Variants in ANTXRL observed in about 807,000 individuals in gnomAD.
ANTXRL encodes the protein ANTXR like.
A neutral mutation model predicts 75.4 loss-of-function variants in ANTXRL; 63 were observed. The observed-to-expected ratio is 0.84, with a 90% CI of 0.68 to 1.03. The LOEUF (loss-of-function observed/expected upper bound fraction) is 1.03. Among genes scored for constraint, ANTXRL ranks in the 50% least tolerant of loss-of-function variants. The pLI, the probability that ANTXRL is intolerant of heterozygous loss-of-function variation, is 0.00. For synonymous variants in ANTXRL, 335 were observed against 291.3 expected, an observed-to-expected ratio of 1.15 and a Z score of -1.53; for missense variants, 797 against 789.4, an observed-to-expected ratio of 1.01 and a Z score of -0.12.
intron 14 of ANTXRL, among the ~76,000 whole-genome samples, chr10:46,311,274 C>T (rs1370038475): frequency 6.6e-6 from 1 of 152,082 alleles, no homozygotes; most frequent in Non-Finnish European, 1.5e-5. Context: ...CAGGGCAGGC[C>T]TCTTTCAACA....
At chr10:46,300,472 C>G (rs4999674) in intron 9 of ANTXRL, among the ~76,000 whole-genome samples, 8,773 of 152,058 alleles carry the variant, frequency 0.058, 628 homozygotes, top group African/African-American at 0.17. Context: ...CCATCCTGAG[C>G]CCATCCCCCA....
chr10:46,307,433 G>T lies in ANTXRL; in HGVS notation c.997G>T (p.Gly333Cys), dbSNP rs782532772. The T allele has an allele frequency of 1.6e-5, 24 of 1,536,160 alleles. No individual in the cohort carries two copies. The highest frequency in any genetic ancestry group is 2.0e-5 in the Non-Finnish European group (23 of 1,146,810). The change falls in exon 12 of 17, where the codon GGC becomes TGC. Residue 333 changes from glycine (G) to cysteine (C), a missense_variant. Physicochemically the swap from Gly to Cys is radical, Grantham distance 159 (BLOSUM62 -3). Around this residue, in one of 3 missense-constraint regions of ANTXRL, gnomAD observed 479 missense variants for 422.0 expected, o/e 1.14. Coordinates refer to ENST00000620264, the MANE Select transcript of ANTXRL (RefSeq NM_001278688.3). ...CTCTATTGAAGTCAGCTTGAACAAA[G>T]GCAAAACATTCTTCAAGAGCAATGT... is the stretch of plus-strand genomic sequence containing the variant. The part of the protein sequence containing the change: ...EYSIEVSLNK[G>C]KTFFKSNVSI...
chr10:46,302,035 G>A (rs1266721291), intron 9 of ANTXRL, among the ~76,000 whole-genome samples: 3 of 152,194 alleles, frequency 2.0e-5, no homozygotes, highest in African/African-American at 7.2e-5. Context: ...GCCTCAGGAT[G>A]GGTGCCCTGT....
intron 16 of ANTXRL, 113 bp downstream of exon 16, chr10:46,313,429 G>C: frequency 9.3e-7 from 1 of 1,074,690 alleles, no homozygotes; most frequent in Admixed American, 2.0e-5. Context: ...TGCAAAAGAG[G>C]ACGGCACAAG....
At chr10:46,309,286 G>A in intron 13 of ANTXRL, 84 bp downstream of exon 13, 2 of 1,520,996 alleles carry the variant, frequency 1.3e-6, no homozygotes. Flanking sequence ...TGCCCCCCGT[G>A]ATCCCGCCTG....
At chr10:46,317,104 C>A (rs1423873981) in intron 16 of ANTXRL, among the ~76,000 whole-genome samples, 15 of 152,138 alleles carry the variant, frequency 9.9e-5, no homozygotes, top group African/African-American at 3.6e-4. Flanking sequence ...ATTAACTTTT[C>A]TTAAAGGTGT....
intron 16 of ANTXRL, among the ~76,000 whole-genome samples, chr10:46,323,283 A>G (rs577759054): frequency 3.3e-5 from 5 of 152,282 alleles, no homozygotes; most frequent in Admixed American, 3.3e-4. Context: ...CATAGGACCT[A>G]TGAACAAAAA....
Position 46,297,666 on chromosome 10 carries a change from C to A in ANTXRL, c.655-165C>A, listed in dbSNP as rs1317632798. Among the ~76,000 whole-genome samples, 3 of 152,088 alleles carry A rather than the reference C, an allele frequency of 2.0e-5. 1 individual carries two copies. Among genetic ancestry groups the A allele is most frequent in the African/African-American group, 4.8e-5 (2 of 41,388 alleles). On this transcript the variant is annotated intron_variant, in intron 7 of 16. Transcript: ENST00000620264. ...TGCCAAAGGGGAGGGTGGAAGAGCT[C>A]CCCGCTCCCTAAGAGTGGGCTGCTG...
At chr10:46,315,728 G>A (rs1475654504) in intron 16 of ANTXRL, among the ~76,000 whole-genome samples, 1 of 152,190 alleles carries the variant, frequency 6.6e-6, no homozygotes, top group Non-Finnish European at 1.5e-5. Flanking sequence ...ATTTAGAGGA[G>A]CTGCTGCCTT....
intron 16 of ANTXRL, among the ~76,000 whole-genome samples, chr10:46,315,560 C>T (rs1264965977): frequency 6.6e-6 from 1 of 152,174 alleles, no homozygotes; most frequent in Non-Finnish European, 1.5e-5. Flanking sequence ...TTGGGGGATC[C>T]TGACAGAACC....
intron 16 of ANTXRL, among the ~76,000 whole-genome samples, chr10:46,316,111 G>C (rs1483288271): frequency 6.6e-6 from 1 of 152,048 alleles, no homozygotes; most frequent in East Asian, 1.9e-4. Context: ...AATATCACTC[G>C]ATCCATCAGG....
intron 16 of ANTXRL, among the ~76,000 whole-genome samples, chr10:46,323,768 T>A (rs535218101): frequency 6.6e-6 from 1 of 152,200 alleles, no homozygotes; most frequent in East Asian, 1.9e-4. Context: ...TTTAGTGTAG[T>A]TTGGAAGTCC....
chr10:46,294,354 A>G (rs1412319282), intron 3 of ANTXRL, among the ~76,000 whole-genome samples: 16 of 152,016 alleles, frequency 1.1e-4, no homozygotes, highest in African/African-American at 3.9e-4. Flanking sequence ...TAGTGCAGGG[A>G]TGCTGGCAGG....
At chr10:46,329,279 T>C (rs1839372749) in intron 16 of ANTXRL, among the ~76,000 whole-genome samples, 1 of 152,096 alleles carries the variant, frequency 6.6e-6, no homozygotes, top group South Asian at 2.1e-4. Flanking sequence ...TGTGCCATGC[T>C]GGGGCACAGA....
chr10:46,318,967 G>A (rs1554965139), intron 16 of ANTXRL, among the ~76,000 whole-genome samples: 1 of 151,562 alleles, frequency 6.6e-6, no homozygotes. Flanking sequence ...AGTAACAGCT[G>A]AATTGGCAAC....
At chr10:46,296,560 A>G (rs1837389538) in intron 5 of ANTXRL, among the ~76,000 whole-genome samples, 1 of 152,048 alleles carries the variant, frequency 6.6e-6, no homozygotes, top group African/African-American at 2.4e-5. Flanking sequence ...TGCCCCTTGC[A>G]CACACCTTAG....
chr10:46,289,243 G>A (rs1229251414), intron 1 of ANTXRL, among the ~76,000 whole-genome samples: 1 of 152,102 alleles, frequency 6.6e-6, no homozygotes, highest in Non-Finnish European at 1.5e-5. Flanking sequence ...CCTATTCTTG[G>A]CCAGGTGACA....
At chr10:46,316,437 G>A (rs111681050) in intron 16 of ANTXRL, among the ~76,000 whole-genome samples, 1 of 152,116 alleles carries the variant, frequency 6.6e-6, no homozygotes, top group Non-Finnish European at 1.5e-5. Context: ...GGAAGCAATA[G>A]GACCAGCATC....
chr10:46,295,854 C>G (rs1413531876), intron 3 of ANTXRL, among the ~76,000 whole-genome samples, 165 bp from the exon 4 acceptor site: 1 of 152,144 alleles, frequency 6.6e-6, no homozygotes, highest in East Asian at 1.9e-4. Context: ...CTTGAAATCT[C>G]TGGTCAAAAT....
Sources: gnomAD v4.1 joint callset for allele counts (sites outside exome capture counted in the v4.1 genomes callset) on GRCh38, gnomAD v4.1.1 for gene constraint, gnomAD v4.1.1 regional missense constraint, MANE v1.5 for transcripts, NCBI Gene and HGNC (gene_info 2026-07-23, HGNC 2026-07-21) for gene names.